ADCY2: variants seen among roughly 807,000 people sequenced by gnomAD.
ADCY2 encodes the protein adenylate cyclase type 2.
A neutral mutation model predicts 125.2 loss-of-function variants in ADCY2; 31 were observed. That is an observed-to-expected ratio of 0.25 (90% CI 0.19 to 0.33). ADCY2 has a LOEUF of 0.33. Among genes scored for constraint, ADCY2 ranks in the 10% least tolerant of loss-of-function variants. The pLI, the probability that ADCY2 is intolerant of heterozygous loss-of-function variation, is 1.00. For synonymous variants in ADCY2, 512 were observed against 548.4 expected (o/e 0.93, Z 0.93); for missense variants, 904 against 1,418.2 (o/e 0.64, Z 5.82).
At chr5:7,783,680 A>G (rs996453207) in intron 18 of ADCY2, among the ~76,000 whole-genome samples, 5 of 152,192 alleles carry the variant, frequency 3.3e-5, no homozygotes, top group African/African-American at 1.2e-4. Context: ...AGTCCTATGT[A>G]ATGTTCGCAT....
intron 2 of ADCY2, among the ~76,000 whole-genome samples, chr5:7,504,592 TTCTC>T (rs1251662044): frequency 3.3e-5 from 5 of 151,850 alleles, no homozygotes; most frequent in East Asian, 1.9e-4. Context: ...ATTTCTTTCT[TTCTC>T]TCTCTCTTTC....
At chr5:7,486,801 G>A (rs562270499) in intron 2 of ADCY2, among the ~76,000 whole-genome samples, 41 of 152,326 alleles carry the variant, frequency 2.7e-4, no homozygotes, top group African/African-American at 9.6e-4. Context: ...TCGATCAGAA[G>A]TTTGTTAGAT....
chr5:7,627,774 C>T (rs1188053891), intron 4 of ADCY2, among the ~76,000 whole-genome samples: 1 of 152,152 alleles, frequency 6.6e-6, no homozygotes, highest in Admixed American at 6.5e-5. Flanking sequence ...AACAGGGATC[C>T]AGGATATTAG....
chr5:7,562,795 G>C (rs1448042384), intron 3 of ADCY2, among the ~76,000 whole-genome samples: 1 of 152,076 alleles, frequency 6.6e-6, no homozygotes, highest in African/African-American at 2.4e-5. Context: ...TTCTCAGTGG[G>C]TTTATGAACT....
At chr5:7,798,573 CTTTTTTTTTTCTTT>C (rs1187862014) in intron 20 of ADCY2, 1 of 115,344 alleles carries the variant, frequency 8.7e-6, no homozygotes, top group African/African-American at 3.3e-5. Context: ...TTGACTATTT[CTTTTTTTTTTCTTT>C]TTTTTTTTTT....
chr5:7,714,761 G>A (rs962245531), intron 11 of ADCY2, among the ~76,000 whole-genome samples: 4 of 152,248 alleles, frequency 2.6e-5, no homozygotes, highest in African/African-American at 7.2e-5. Flanking sequence ...CCAGTTCTGA[G>A]TCAGACTTAC....
intron 16 of ADCY2, among the ~76,000 whole-genome samples, chr5:7,763,421 A>T (rs1579406912): frequency 6.6e-6 from 1 of 152,198 alleles, no homozygotes; most frequent in East Asian, 1.9e-4. Context: ...TGTAAAATAT[A>T]TATAAATAAG....
chr5:7,729,319 C>CA (rs1418091200), intron 14 of ADCY2, among the ~76,000 whole-genome samples: 1 of 152,078 alleles, frequency 6.6e-6, no homozygotes, highest in East Asian at 1.9e-4. Flanking sequence ...ACCCTGTGTG[C>CA]TCTTTACTGT....
At chr5:7,803,949 C>T (rs868407452) in intron 21 of ADCY2, among the ~76,000 whole-genome samples, 7 of 141,074 alleles carry the variant, frequency 5.0e-5, no homozygotes, top group East Asian at 2.0e-4. Context: ...TATATATATA[C>T]ACACACACAC....
At chr5:7,422,635 A>G (rs929433354) in intron 2 of ADCY2, among the ~76,000 whole-genome samples, 1 of 152,198 alleles carries the variant, frequency 6.6e-6, no homozygotes, top group Non-Finnish European at 1.5e-5. Context: ...GGGAGACCAT[A>G]CTGAAGTTAT....
intron 5 of ADCY2, among the ~76,000 whole-genome samples, chr5:7,695,529 G>A (rs1438505764): frequency 1.3e-5 from 2 of 151,964 alleles, no homozygotes; most frequent in Non-Finnish European, 1.5e-5. Flanking sequence ...AAATTATTTT[G>A]CTGCTTCACT....
At chr5:7,461,363 C>G (rs1254569877) in intron 2 of ADCY2, among the ~76,000 whole-genome samples, 2 of 152,216 alleles carry the variant, frequency 1.3e-5, no homozygotes, top group Non-Finnish European at 2.9e-5. Flanking sequence ...CGCCTCAATG[C>G]ACATGGCTCA....
At chr5:7,697,777 G>C (rs563067445) in intron 6 of ADCY2, among the ~76,000 whole-genome samples, 37 of 152,282 alleles carry the variant, frequency 2.4e-4, no homozygotes, top group African/African-American at 8.9e-4. Context: ...ATATCTGCAG[G>C]TAAGAATCAG....
intron 3 of ADCY2, among the ~76,000 whole-genome samples, chr5:7,609,141 G>T (rs979690291): frequency 5.9e-5 from 9 of 152,170 alleles, no homozygotes; most frequent in South Asian, 2.1e-4. Flanking sequence ...ATAAGTTCAG[G>T]TCCAAATTCT....
At chr5:7,415,701 C>G (rs1179421257) in intron 2 of ADCY2, among the ~76,000 whole-genome samples, 1 of 152,140 alleles carries the variant, frequency 6.6e-6, no homozygotes, top group Non-Finnish European at 1.5e-5. Context: ...AGGCTCTGGG[C>G]CTCAGGTCAT....
intron 4 of ADCY2, among the ~76,000 whole-genome samples, chr5:7,677,689 G>A (rs370365684): frequency 1.3e-5 from 2 of 152,142 alleles, no homozygotes; most frequent in East Asian, 1.9e-4. Flanking sequence ...CCTTCCAGCC[G>A]AGCACAATCA....
intron 2 of ADCY2, among the ~76,000 whole-genome samples, chr5:7,502,052 G>A (rs1343370170): frequency 1.3e-5 from 2 of 152,156 alleles, no homozygotes; most frequent in Non-Finnish European, 2.9e-5. Context: ...CCTGGAGAAG[G>A]AACTAGGCTG....
At chr5:7,744,084 G>A (rs1411338138) in intron 15 of ADCY2, among the ~76,000 whole-genome samples, 2 of 152,118 alleles carry the variant, frequency 1.3e-5, no homozygotes, top group African/African-American at 4.8e-5. Context: ...ATAATATGAG[G>A]CTTTCAGTGT....
At chr5:7,742,810 TC>T (rs1450088898) in intron 14 of ADCY2, among the ~76,000 whole-genome samples, 1 of 152,164 alleles carries the variant, frequency 6.6e-6, no homozygotes, top group Non-Finnish European at 1.5e-5. Flanking sequence ...ATCCTCTGTT[TC>T]TTCACTGTCT....
Sources: allele counts gnomAD v4.1 joint callset (sites outside exome capture counted in the v4.1 genomes callset), GRCh38; gene constraint gnomAD v4.1.1; transcripts MANE v1.5; gene names NCBI Gene and HGNC (gene_info 2026-07-23, HGNC 2026-07-21).